Variants in MACROD2 observed in about 807,000 individuals in gnomAD.
The protein encoded by MACROD2 is mono-ADP ribosylhydrolase 2.
Under a neutral mutation model 70.4 loss-of-function variants are expected in MACROD2, and 36 were observed. The observed-to-expected ratio is 0.51, with a 90% confidence interval of 0.39 to 0.68. MACROD2 has a LOEUF of 0.68. MACROD2 is among the 30% of genes least tolerant of loss of function. The pLI, the probability that MACROD2 is intolerant of heterozygous loss-of-function variation, is 0.00. For synonymous variants in MACROD2, 172 were observed against 178.8 expected (o/e 0.96, Z 0.30); for missense variants, 496 against 538.4 (o/e 0.92, Z 0.78).
chr20:15,929,469 A>G (rs547381674), intron 10 of MACROD2, among the ~76,000 whole-genome samples: 16 of 152,176 alleles, frequency 1.1e-4, no homozygotes, highest in African/African-American at 3.1e-4. Flanking sequence ...CAATCTTATT[A>G]TAGGGGACTG....
At position 15,514,214 on chromosome 20, in the gene MACROD2, A is replaced by G. The variant is rs993961582; in HGVS notation, c.645+14367A>G. Among the ~76,000 whole-genome samples, 4 of 152,248 alleles carry G rather than the reference A, an allele frequency of 2.6e-5. No individual in the cohort carries two copies. The East Asian group carries it at 5.8e-4, about 22-fold the overall frequency. ...TTCAAATAAATTTAGGGTTGCCTAC[A>G]TGTACAGTGTGTATAAAGTCCACAA... On this transcript the variant is annotated intron_variant, in intron 8 of 17. Transcript: ENST00000684519.
intron 6 of MACROD2, among the ~76,000 whole-genome samples, chr20:15,329,241 G>C (rs1600248506): frequency 6.6e-6 from 1 of 152,042 alleles, no homozygotes; most frequent in African/African-American, 2.4e-5. Flanking sequence ...AAAAAGCTTA[G>C]AGACAATCCC....
chr20:15,879,026 G>A (rs1439140830), intron 9 of MACROD2, among the ~76,000 whole-genome samples: 1 of 152,102 alleles, frequency 6.6e-6, no homozygotes, highest in Admixed American at 6.6e-5. Context: ...AAGAGGTCCC[G>A]TAAGATTAAA....
At chr20:15,342,575 T>C (rs1019283058) in intron 6 of MACROD2, among the ~76,000 whole-genome samples, 16 of 152,236 alleles carry the variant, frequency 1.1e-4, no homozygotes, top group African/African-American at 3.9e-4. Context: ...AATAATATGG[T>C]TTAAATATTT....
intron 6 of MACROD2, among the ~76,000 whole-genome samples, chr20:15,418,730 C>T (rs1327350652): frequency 6.6e-6 from 1 of 152,206 alleles, no homozygotes; most frequent in Non-Finnish European, 1.5e-5. Flanking sequence ...ACGTGAAAGA[C>T]AGAATCCCAA....
chr20:14,269,007 A>G (rs1487852569), intron 3 of MACROD2, among the ~76,000 whole-genome samples: 1 of 152,194 alleles, frequency 6.6e-6, no homozygotes, highest in Non-Finnish European at 1.5e-5. Flanking sequence ...ACTTGAGCAC[A>G]TTACTAATAG....
At chr20:14,509,125 C>A (rs1291120767) in intron 4 of MACROD2, among the ~76,000 whole-genome samples, 4 of 152,024 alleles carry the variant, frequency 2.6e-5, no homozygotes, top group Non-Finnish European at 5.9e-5. Context: ...ACAAACTATA[C>A]AAATCAAAAG....
chr20:15,786,567 A>G (rs930109190), intron 8 of MACROD2, among the ~76,000 whole-genome samples: 4 of 152,202 alleles, frequency 2.6e-5, no homozygotes, highest in African/African-American at 9.6e-5. Flanking sequence ...GAATAAGATA[A>G]TACTCCTCCT....
intron 3 of MACROD2, among the ~76,000 whole-genome samples, chr20:14,240,474 A>C (rs2081918960): frequency 6.6e-6 from 1 of 152,192 alleles, no homozygotes; most frequent in Non-Finnish European, 1.5e-5. Flanking sequence ...TACAGAAAAC[A>C]TGGTACATAT....
intron 8 of MACROD2, among the ~76,000 whole-genome samples, chr20:15,750,745 A>G (rs978934465): frequency 1.3e-5 from 2 of 152,044 alleles, no homozygotes; most frequent in Non-Finnish European, 2.9e-5. Context: ...ATGGATAAAG[A>G]AAATGTGGTA....
intron 8 of MACROD2, among the ~76,000 whole-genome samples, chr20:15,741,248 C>G (rs1347251255): frequency 6.7e-6 from 1 of 148,702 alleles, no homozygotes; most frequent in East Asian, 2.0e-4. Context: ...CACACCACCA[C>G]ACCCGGCTAA....
intron 5 of MACROD2, among the ~76,000 whole-genome samples, chr20:15,077,703 T>G (rs2075668984): frequency 6.6e-6 from 1 of 152,208 alleles, no homozygotes; most frequent in African/African-American, 2.4e-5. Flanking sequence ...AGGCTCACGT[T>G]GCATTTTTAT....
intron 8 of MACROD2, among the ~76,000 whole-genome samples, chr20:15,637,514 GA>G (rs2049388896): frequency 6.6e-6 from 1 of 152,208 alleles, no homozygotes; most frequent in African/African-American, 2.4e-5. Context: ...GGTTGTTTCA[GA>G]CTGGCTTTCT....
chr20:14,623,962 G>T (rs1983984854), intron 4 of MACROD2, among the ~76,000 whole-genome samples: 1 of 152,198 alleles, frequency 6.6e-6, no homozygotes, highest in South Asian at 2.1e-4. Flanking sequence ...ACTTGAATTA[G>T]ATAACAGTAA....
chr20:16,009,137 G>A (rs540906892), intron 15 of MACROD2, among the ~76,000 whole-genome samples: 40 of 152,280 alleles, frequency 2.6e-4, no homozygotes, highest in African/African-American at 9.1e-4. Context: ...AAACAACCCC[G>A]AAATCTGGCA....
intron 8 of MACROD2, among the ~76,000 whole-genome samples, chr20:15,514,271 G>A (rs975123679): frequency 1.3e-5 from 2 of 152,150 alleles, no homozygotes; most frequent in Non-Finnish European, 2.9e-5. Flanking sequence ...GCCTTCACAT[G>A]TACTCACCAC....
chr20:16,016,201 A>C (rs2066926331), intron 15 of MACROD2, among the ~76,000 whole-genome samples: 1 of 152,134 alleles, frequency 6.6e-6, no homozygotes, highest in South Asian at 2.1e-4. Context: ...ATTTGATTAG[A>C]AGTAACAAGT....
chr20:14,804,064 A>C (rs1419786437), intron 5 of MACROD2, among the ~76,000 whole-genome samples: 1 of 152,086 alleles, frequency 6.6e-6, no homozygotes, highest in Admixed American at 6.6e-5. Context: ...TAGCAGCAAG[A>C]TAATTAGCTT....
At chr20:14,776,402 T>C (rs2072234836) in intron 5 of MACROD2, among the ~76,000 whole-genome samples, 1 of 151,998 alleles carries the variant, frequency 6.6e-6, no homozygotes, top group East Asian at 1.9e-4. Context: ...GTTGGTGAGG[T>C]TGAATGAGAT....
Sources: gnomAD v4.1 joint callset for allele counts (sites outside exome capture counted in the v4.1 genomes callset) on GRCh38, gnomAD v4.1.1 for gene constraint, MANE v1.5 for transcripts, NCBI Gene and HGNC (gene_info 2026-07-23, HGNC 2026-07-21) for gene names.